Variants in ALK observed in about 807,000 individuals in gnomAD.
ALK encodes the protein ALK receptor tyrosine kinase.
ALK carries 74 observed loss-of-function variants against 163.1 expected under a neutral mutation model. That is an observed-to-expected ratio of 0.45 (90% CI 0.38 to 0.55). The LOEUF is 0.55. Among genes scored for constraint, ALK ranks in the 20% least tolerant of loss-of-function variants. The pLI is 0.00. For missense variants in ALK, 2,063 were observed against 2,105.3 expected (o/e 0.98, Z 0.39); for synonymous variants, 960 against 843.2 (o/e 1.14, Z -2.40).
At chr2:29,864,347 C>T (rs573369635) in intron 1 of ALK, among the ~76,000 whole-genome samples, 1 of 152,328 alleles carries the variant, frequency 6.6e-6, no homozygotes, top group East Asian at 1.9e-4. Flanking sequence ...TGGTCAGCTT[C>T]CTCCTCTCTT....
intron 1 of ALK, among the ~76,000 whole-genome samples, chr2:29,840,064 T>C (rs1397338559): frequency 1.3e-5 from 2 of 152,224 alleles, no homozygotes; most frequent in Admixed American, 6.5e-5. Context: ...TGCAAAGCTG[T>C]CTAAATCTAT....
chr2:29,467,108 T>C (rs1392437458), intron 4 of ALK, among the ~76,000 whole-genome samples: 1 of 152,134 alleles, frequency 6.6e-6, no homozygotes, highest in South Asian at 2.1e-4. Flanking sequence ...CTTGGACACA[T>C]GATCCAAGAA....
intron 4 of ALK, among the ~76,000 whole-genome samples, chr2:29,453,264 G>A (rs1440219980): frequency 6.6e-6 from 1 of 152,148 alleles, no homozygotes; most frequent in Non-Finnish European, 1.5e-5. Context: ...CAGAGTCTCA[G>A]TCTGTTGCCC....
intron 5 of ALK, among the ~76,000 whole-genome samples, chr2:29,332,122 T>C (rs1204586873): frequency 6.6e-6 from 1 of 150,770 alleles, no homozygotes; most frequent in African/African-American, 2.4e-5. Context: ...CCGTCTCTAC[T>C]AAAAATACAA....
At chr2:29,341,860 A>G (rs552831281) in intron 5 of ALK, among the ~76,000 whole-genome samples, 155 of 152,354 alleles carry the variant, frequency 1.0e-3, no homozygotes, top group African/African-American at 3.6e-3. Context: ...TATGGCTAGG[A>G]GTCAAGAACC....
At chr2:29,457,943 T>C (rs1252823236) in intron 4 of ALK, among the ~76,000 whole-genome samples, 1 of 152,158 alleles carries the variant, frequency 6.6e-6, no homozygotes, top group Non-Finnish European at 1.5e-5. Flanking sequence ...TTGAAAGTAC[T>C]ATCATCAATA....
At chr2:29,203,887 C>G (rs943763472) in intron 26 of ALK, among the ~76,000 whole-genome samples, 1 of 152,010 alleles carries the variant, frequency 6.6e-6, no homozygotes, top group African/African-American at 2.4e-5. Context: ...GCTCTGCTGT[C>G]TTTATTCTCT....
At chr2:29,567,308 A>G (rs1331706113) in intron 3 of ALK, among the ~76,000 whole-genome samples, 1 of 152,208 alleles carries the variant, frequency 6.6e-6, no homozygotes, top group Admixed American at 6.5e-5. Context: ...AAAGAGTAAG[A>G]TCATATGACT....
intron 11 of ALK, among the ~76,000 whole-genome samples, chr2:29,255,368 C>T (rs1314410042): frequency 6.6e-6 from 1 of 152,152 alleles, no homozygotes; most frequent in Non-Finnish European, 1.5e-5. Flanking sequence ...TCCAAACCAC[C>T]TGAGGACCTT....
chr2:29,512,573 T>C (rs75579776), intron 4 of ALK, among the ~76,000 whole-genome samples: 9,743 of 145,570 alleles, frequency 0.067, 317 homozygotes, highest in Non-Finnish European at 0.1. Flanking sequence ...AAGCATTCCC[T>C]TTGAAAACTG....
At chr2:29,291,508 C>A (rs372393170) in intron 9 of ALK, among the ~76,000 whole-genome samples, 1 of 152,132 alleles carries the variant, frequency 6.6e-6, no homozygotes, top group African/African-American at 2.4e-5. Flanking sequence ...ATTATTTAAC[C>A]TCCATAGCCC....
rs114383174 is a variant in ALK at position 29,546,497 on chromosome 2, G to A, written c.953-14381C>T. On this transcript the variant is annotated intron_variant, in intron 3 of 28. Coordinates refer to ENST00000389048, the MANE Select transcript of ALK (RefSeq NM_004304.5). ...AATTGATTTAATTCAATGAGAAACA[G>A]GAGGAAGGAGAGATAAAAGCACCTG... Among the ~76,000 whole-genome samples, 26 of 152,340 alleles carry A rather than the reference G, an allele frequency of 1.7e-4. 1 individual carries two copies. The East Asian group carries it at 4.4e-3, about 26-fold the overall frequency.
chr2:29,747,367 G>C (rs555746985), intron 1 of ALK, among the ~76,000 whole-genome samples: 2 of 152,268 alleles, frequency 1.3e-5, no homozygotes, highest in South Asian at 2.1e-4. Context: ...TCTACAGGTA[G>C]GAGACATTAA....
At chr2:29,497,760 T>C (rs1357793114) in intron 4 of ALK, among the ~76,000 whole-genome samples, 1 of 152,188 alleles carries the variant, frequency 6.6e-6, no homozygotes, top group Non-Finnish European at 1.5e-5. Flanking sequence ...TTCGGTCATG[T>C]AGGGTGCCTT....
intron 3 of ALK, among the ~76,000 whole-genome samples, chr2:29,583,035 G>GTTTTTTT (rs10637189): frequency 0.042 from 4,498 of 107,546 alleles, 174 homozygotes; most frequent in African/African-American, 0.12. Flanking sequence ...GCTAACTTTT[G>GTTTTTTT]TTTTTTGTTT....
intron 1 of ALK, among the ~76,000 whole-genome samples, chr2:29,747,447 T>C (rs1258393986): frequency 6.6e-6 from 1 of 152,250 alleles, no homozygotes; most frequent in Non-Finnish European, 1.5e-5. Flanking sequence ...TCCTTTACTA[T>C]TGAGTTACCA....
At chr2:29,843,045 G>T (rs535770142) in intron 1 of ALK, among the ~76,000 whole-genome samples, 2 of 152,290 alleles carry the variant, frequency 1.3e-5, no homozygotes, top group East Asian at 3.9e-4. Flanking sequence ...TCCCCAGAAC[G>T]CAGCTGGACC....
chr2:29,729,309 G>C (rs1445232842), intron 1 of ALK, among the ~76,000 whole-genome samples: 1 of 152,146 alleles, frequency 6.6e-6, no homozygotes, highest in Non-Finnish European at 1.5e-5. Flanking sequence ...GAGGTGAAGA[G>C]AGGCAAAGAG....
chr2:29,612,480 T>C (rs1239845585), intron 3 of ALK, among the ~76,000 whole-genome samples: 1 of 152,156 alleles, frequency 6.6e-6, no homozygotes, highest in African/African-American at 2.4e-5. Flanking sequence ...CATGGACAAT[T>C]TCTCTCTGTT....
Sources: gnomAD v4.1 joint callset for allele counts (sites outside exome capture counted in the v4.1 genomes callset) on GRCh38, gnomAD v4.1.1 for gene constraint, MANE v1.5 for transcripts, NCBI Gene and HGNC (gene_info 2026-07-23, HGNC 2026-07-21) for gene names.